Variants in NLRP3 observed in about 807,000 individuals in gnomAD.
NLRP3 encodes the protein NLR family pyrin domain containing 3, also known as NACHT, LRR and PYD domains-containing protein 3.
In NLRP3, 48 loss-of-function variants were observed where a neutral mutation model predicts 91.3. The ratio of observed to expected loss-of-function variants is 0.53; its 90% confidence interval spans 0.42 to 0.67. NLRP3 has a LOEUF of 0.67. Among genes scored for constraint, NLRP3 ranks in the 30% least tolerant of loss-of-function variants. The pLI, the probability that NLRP3 is intolerant of heterozygous loss-of-function variation, is 0.00. For synonymous variants in NLRP3, 561 were observed against 507.9 expected, an observed-to-expected ratio of 1.10 and a Z score of -1.41; for missense variants, 982 against 1,276.9, an observed-to-expected ratio of 0.77 and a Z score of 3.52.
intron 6 of NLRP3, 123 bp downstream of exon 6, chr1:247,434,396 G>C (rs906876786): frequency 1.0e-6 from 1 of 996,026 alleles, no homozygotes; most frequent in Non-Finnish European, 1.6e-6. Flanking sequence ...GGGTGACTGC[G>C]TGTGCTTGTC....
In NLRP3 at chr1:247,429,528, A is replaced by C; in HGVS notation, c.2151-57A>C. 2.5e-6 allele frequency: 4 copies of C among 1,591,904 alleles called. No homozygotes were observed. The South Asian group carries it at 3.3e-5, about 13-fold the overall frequency. ...GCCAGGCACCCCGGCCCCCAGCTCC[A>C]GTTAGTTATTATTCGAGGCTGATTT... On this transcript the variant is annotated intron_variant, in intron 4 of 9. Transcript: ENST00000336119.
At chr1:247,447,400 A>G (rs557606511) in intron 9 of NLRP3, among the ~76,000 whole-genome samples, 10 of 152,280 alleles carry the variant, frequency 6.6e-5, no homozygotes, top group Middle Eastern at 3.4e-3. Flanking sequence ...ACTACTTCCC[A>G]AGGGCCTCAC....
Position 247,419,164 on chromosome 1 carries a change from A to ATATTT in NLRP3, c.277+88_277+89insATTTT, listed in dbSNP as rs1491303088. ...CATCTTTATATATATATATATATAT[A>ATATTT]TTTTTTTTTGAGACGGAGTTGCTCT... is the stretch of plus-strand genomic sequence containing the variant. On this transcript the variant is annotated intron_variant, in intron 2 of 9. Coordinates refer to ENST00000336119, the MANE Select transcript of NLRP3 (RefSeq NM_001243133.2). 9.4e-4 allele frequency: 652 copies of ATATTT among 693,078 alleles called. 1 individual carries two copies. The highest frequency in any genetic ancestry group is 1.4e-3 in the South Asian group (42 of 29,310). 42.9% of individuals were successfully genotyped at this position (693,078 alleles called of 1,614,324 possible).
chr1:247,431,759 C>T lies in NLRP3; in HGVS notation c.2321+2004C>T, dbSNP rs183374198. Among the ~76,000 whole-genome samples, 8 of 152,280 alleles carry T rather than the reference C, an allele frequency of 5.3e-5. No homozygotes were observed. In the East Asian group the frequency reaches 7.7e-4, roughly 15 times the overall value. On this transcript the variant is annotated intron_variant, in intron 5 of 9. Coordinates refer to ENST00000336119, the MANE Select transcript of NLRP3 (RefSeq NM_001243133.2). ...AAAATTCTGATTCGATTGTGCTGTT[C>T]GGTGGCTTAAATGCTTTCTGTCTGC...
At position 247,444,641 on chromosome 1, in the gene NLRP3, C is replaced by A; in HGVS notation, c.2835-10C>A. 1.9e-6 allele frequency: 3 copies of A among 1,613,832 alleles called. No homozygotes were observed. The highest frequency in any genetic ancestry group is 2.5e-6 in the Non-Finnish European group (3 of 1,179,982). ...GGGGACATTTTCTTTAAATCACCCC[C>A]TTTTTGCAGATTAGACAACTGCAAC... On this transcript the variant is annotated splice_polypyrimidine_tract_variant and intron_variant, in intron 8 of 9. Transcript: ENST00000336119.
rs764466006 is a variant in NLRP3 at position 247,425,121 on chromosome 1, G to A, written c.1672G>A (p.Val558Ile). The stretch of plus-strand genomic sequence containing the variant: ...GAAGCTTCCCAGCCGAGACGTGACA[G>A]TCCTTCTGGAAAACTATGGCAAATT... ...RLKLPSRDVT[V>I]LLENYGKFEK... The change falls in exon 4 of 10, where the codon GTC (valine) becomes ATC (isoleucine). Residue 558 changes from valine (V) to isoleucine (I), a missense_variant. By Grantham distance (29) the Val-to-Ile change is conservative. Around this residue, in one of 5 missense-constraint regions of NLRP3, gnomAD observed 548 missense variants for 713.7 expected, o/e 0.77. Transcript: ENST00000336119. The surrounding 1 kb of genome is among the most constrained non-coding windows in gnomAD (Gnocchi z 4.1). 1.2e-6 allele frequency: 2 copies of A among 1,614,162 alleles called. No individual in the cohort carries two copies. Among genetic ancestry groups the A allele is most frequent in the Admixed American group, 1.7e-5 (1 of 60,022 alleles).
chr1:247,417,673 G>A (rs1662154064), intron 1 of NLRP3, among the ~76,000 whole-genome samples: 1 of 152,094 alleles, frequency 6.6e-6, no homozygotes. Context: ...GTAGAGACGG[G>A]ATTTCTCCCT....
Position 247,424,808 on chromosome 1 carries a change from A to C in NLRP3, c.1359A>C (p.Gly453=). The C allele has an allele frequency of 6.2e-7, 1 of 1,608,814 alleles. No homozygotes were observed. Residue 453 remains glycine, a synonymous_variant, in exon 4 of 10, where the codon GGA becomes GGC. Coordinates refer to ENST00000336119, the MANE Select transcript of NLRP3 (RefSeq NM_001243133.2). This position sits in a 1 kb window ranked among gnomAD's most constrained non-coding sequence, Gnocchi z 8.1. ...TTTCCAGTTTGCTGCAGCCCCGGGG[A>C]GGGAGCCAGGAGCACGGCCTCTGCG... ...FFLSSLLQPR[G]GSQEHGLCAH...
chr1:247,421,707 G>T (rs1662472235), intron 2 of NLRP3, among the ~76,000 whole-genome samples: 1 of 152,218 alleles, frequency 6.6e-6, no homozygotes, highest in Non-Finnish European at 1.5e-5. Context: ...AGCAGGGCAT[G>T]TCTCTGATCA....
intron 7 of NLRP3, among the ~76,000 whole-genome samples, chr1:247,439,351 G>C (rs1410656164): frequency 1.3e-5 from 2 of 152,142 alleles, no homozygotes. Flanking sequence ...CTAGCAGGCT[G>C]GGTCCTTCTG....
chr1:247,423,327 C>T lies in NLRP3; in HGVS notation c.375C>T (p.Ile125=), dbSNP rs758069883. 2 of 1,589,782 alleles carry T rather than the reference C, an allele frequency of 1.3e-6. No homozygotes were observed. Among genetic ancestry groups the T allele is most frequent in the South Asian group, 2.2e-5 (2 of 90,542 alleles). ...GTTTACTGGAGTACCTTTCGAGAAT[C>T]TCTATTTGTAAAATGAAGAAAGGTA... is the stretch of plus-strand genomic sequence containing the variant. ...WMGLLEYLSR[I]SICKMKKDYR... is the part of the protein sequence containing the mutation. The change falls in exon 3 of 10, where the codon ATC becomes ATT. Residue 125 remains isoleucine, a synonymous_variant. Coordinates refer to ENST00000336119, the MANE Select transcript of NLRP3 (RefSeq NM_001243133.2).
chr1:247,448,617 C>G lies in NLRP3; in HGVS notation c.*113C>G. The G allele has an allele frequency of 1.3e-6, 1 of 756,666 alleles. No homozygotes were observed. Among genetic ancestry groups the G allele is most frequent in the Non-Finnish European group, 2.4e-6 (1 of 411,996 alleles). The allele number at this position is 756,666 out of a possible 1,614,324, so 46.9% of individuals were successfully genotyped here. A position where few individuals can be genotyped will look rare whatever the true frequency, so the allele number is the denominator to read the frequency against. ...CCAAGACCACAGCTCTGTGATCCTT[C>G]CGGTGGAGTGTCGGAGAAGAGAGCT... On this transcript the variant is annotated 3_prime_UTR_variant, in exon 10 of 10. Coordinates refer to ENST00000336119, the MANE Select transcript of NLRP3 (RefSeq NM_001243133.2).
At chr1:247,429,100 C>G (rs1216595839) in intron 4 of NLRP3, among the ~76,000 whole-genome samples, 1 of 152,062 alleles carries the variant, frequency 6.6e-6, no homozygotes, top group African/African-American at 2.4e-5. Context: ...ACCATGTTGG[C>G]CAGGCTGATC....
intron 9 of NLRP3, among the ~76,000 whole-genome samples, chr1:247,445,945 T>G (rs537028813): frequency 2.0e-5 from 3 of 152,304 alleles, no homozygotes; most frequent in East Asian, 3.9e-4. Context: ...ATAAATTCTG[T>G]GTCTCCGTGC....
intron 4 of NLRP3, among the ~76,000 whole-genome samples, chr1:247,426,306 C>T (rs1008737322): frequency 6.6e-6 from 1 of 152,192 alleles, no homozygotes; most frequent in Admixed American, 6.5e-5. Flanking sequence ...GTTTTCGGGT[C>T]TGTTCACACA....
chr1:247,434,874 A>G lies in NLRP3; in HGVS notation c.2492+601A>G, dbSNP rs112163776. Among the ~76,000 whole-genome samples, 100 of 152,366 alleles carry G rather than the reference A, an allele frequency of 6.6e-4. 1 individual carries two copies. The highest frequency in any genetic ancestry group is 2.4e-3 in the African/African-American group (99 of 41,578). ...AAATGATGCAGCCACTATGGAAAAC[A>G]GCACAGCAATTCCTAAAAAATAAAT... On this transcript the variant is annotated intron_variant, in intron 6 of 9. Coordinates refer to ENST00000336119, the MANE Select transcript of NLRP3 (RefSeq NM_001243133.2).
In NLRP3 at chr1:247,418,532, G is replaced by C; in HGVS notation, c.-269G>C. The C allele has an allele frequency of 2.2e-6, 1 of 453,192 alleles. No homozygotes were observed. Among genetic ancestry groups the C allele is most frequent in the Non-Finnish European group, 4.1e-6 (1 of 245,328 alleles). 28.1% of individuals were successfully genotyped at this position (453,192 alleles called of 1,614,324 possible). On this transcript the variant is annotated 5_prime_UTR_variant, in exon 2 of 10. Transcript: ENST00000336119. The stretch of plus-strand genomic sequence containing the variant: ...GGCCAGGCTGGTCTTGAATTCCTCA[G>C]CTCAGGTGATCTGCCTGCCTTGGCC...
intron 7 of NLRP3, among the ~76,000 whole-genome samples, chr1:247,438,375 T>G (rs1663942692): frequency 1.5e-5 from 1 of 68,496 alleles, no homozygotes; most frequent in South Asian, 5.8e-4. Flanking sequence ...CTGGTTTAGT[T>G]GTGTTTTTTT....
chr1:247,419,409 C>T (rs1335075191), intron 2 of NLRP3, among the ~76,000 whole-genome samples: 2 of 152,138 alleles, frequency 1.3e-5, no homozygotes, highest in East Asian at 3.9e-4. Flanking sequence ...CCCGCCTCGG[C>T]CTCGCAAAGT....
Sources: gnomAD v4.1 joint callset for allele counts (sites outside exome capture counted in the v4.1 genomes callset) on GRCh38, gnomAD v4.1.1 for gene constraint, gnomAD v4.1.1 regional missense constraint, Gnocchi (gnomAD v3.1) non-coding constraint, MANE v1.5 for transcripts, NCBI Gene and HGNC (gene_info 2026-07-23, HGNC 2026-07-21) for gene names.